Variants in DPYD observed in about 807,000 individuals in gnomAD.
DPYD encodes dihydropyrimidine dehydrogenase [NADP(+)].
DPYD carries 109 observed loss-of-function variants against 116.2 expected under a neutral mutation model. The ratio of observed to expected loss-of-function variants is 0.94; its 90% CI spans 0.80 to 1.10. DPYD has a LOEUF of 1.10. DPYD is among the 50% of genes least tolerant of loss of function. DPYD has a pLI of 0.00. For missense variants in DPYD, 1,302 were observed against 1,254.5 expected (o/e 1.04, Z -0.57); for synonymous variants, 440 against 432.0 (o/e 1.02, Z -0.23).
chr1:97,395,655 G>A (rs572776756), intron 14 of DPYD, among the ~76,000 whole-genome samples: 3 of 152,060 alleles, frequency 2.0e-5, no homozygotes, highest in South Asian at 2.1e-4. Context: ...ATGCCACTTC[G>A]GAAGGACTCC....
rs1658507674 is a variant in DPYD, at chr1:97,193,215, C to T, written c.2476G>A (p.Val826Met). 7 of 1,613,836 alleles carry T rather than the reference C, an allele frequency of 4.3e-6. No homozygotes were observed. In the East Asian group the frequency reaches 1.6e-4, roughly 36 times the overall value. ...AGGCCAGTGCAGTAGTCTTCGATCA[C>T]AGTGAAATCCTGATTCTGAATGGCA... ...CSAIQNQDFT[V>M]IEDYCTGLKA... The change falls in exon 20 of 23, where the codon GTG (valine) becomes ATG (methionine). Residue 826 changes from valine (V) to methionine (M), a missense_variant. Transcript: ENST00000370192.
At chr1:97,382,225 C>A (rs1427560692) in intron 15 of DPYD, among the ~76,000 whole-genome samples, 168 bp downstream of exon 15, 1 of 152,106 alleles carries the variant, frequency 6.6e-6, no homozygotes, top group Non-Finnish European at 1.5e-5. Context: ...ACATTTCCAT[C>A]ATTTTAATGA....
Position 97,303,405 on chromosome 1 carries a change from T to C in DPYD, c.2299+1854A>G, listed in dbSNP as rs1010089709. On this transcript the variant is annotated intron_variant, in intron 18 of 22. Coordinates refer to ENST00000370192, the MANE Select transcript of DPYD (RefSeq NM_000110.4). ...AAATATCTAGCTTATTTTGTGTAACTTTCAGTATTAAGGCAGCATTTGAAG... is the reference window on the plus strand; with the variant it reads ...AAATATCTAGCTTATTTTGTGTAACCTTCAGTATTAAGGCAGCATTTGAAG... 2.0e-5 allele frequency among the ~76,000 whole-genome samples: 3 copies of C among 152,108 alleles called. No individual in the cohort carries two copies. The Middle Eastern group carries it at 0.01, about 517-fold the overall frequency.
At chr1:97,691,080 C>A (rs1211377185) in intron 7 of DPYD, 3 of 151,890 alleles carry the variant, frequency 2.0e-5, no homozygotes, top group Non-Finnish European at 4.4e-5. Context: ...ACAAAAATAG[C>A]AATATGTTCA....
intron 3 of DPYD, among the ~76,000 whole-genome samples, chr1:97,770,481 A>C (rs903479468): frequency 6.6e-6 from 1 of 152,156 alleles, no homozygotes; most frequent in South Asian, 2.1e-4. Context: ...GGAAAAAAAA[A>C]TTTTGAATAG....
chr1:97,427,817 A>G (rs1674957748), intron 14 of DPYD, among the ~76,000 whole-genome samples: 1 of 152,048 alleles, frequency 6.6e-6, no homozygotes, highest in African/African-American at 2.4e-5. Flanking sequence ...AGAATATAAA[A>G]ATTCTCAGTA....
At chr1:97,087,494 A>C (rs1649599791) in intron 21 of DPYD, among the ~76,000 whole-genome samples, 1 of 152,196 alleles carries the variant, frequency 6.6e-6, no homozygotes, top group South Asian at 2.1e-4. Flanking sequence ...GAAGCAAGTA[A>C]ATCAAGAGAT....
intron 13 of DPYD, among the ~76,000 whole-genome samples, chr1:97,458,061 T>C (rs1026300326): frequency 1.1e-4 from 17 of 152,194 alleles, no homozygotes; most frequent in African/African-American, 3.9e-4. Context: ...GCTGGCCTGC[T>C]TATAAGATGA....
intron 18 of DPYD, among the ~76,000 whole-genome samples, chr1:97,291,004 A>G (rs888929992): frequency 2.6e-5 from 4 of 152,048 alleles, no homozygotes; most frequent in African/African-American, 9.7e-5. Context: ...AAACCAAACA[A>G]CCCCATCAAA....
chr1:97,159,591 C>G (rs1655735733), intron 20 of DPYD, among the ~76,000 whole-genome samples: 1 of 151,810 alleles, frequency 6.6e-6, no homozygotes, highest in African/African-American at 2.4e-5. Context: ...GTTTAAGAAA[C>G]CCACAGAAGC....
At chr1:97,159,546 G>T (rs1034850256) in intron 20 of DPYD, among the ~76,000 whole-genome samples, 2 of 151,780 alleles carry the variant, frequency 1.3e-5, no homozygotes, top group African/African-American at 2.4e-5. Context: ...CCTAAACTTG[G>T]TAAAAAAATA....
rs541338894 is a variant in DPYD at position 97,793,571 on chromosome 1, T to C, written c.233+34543A>G. Among the ~76,000 whole-genome samples, 5 of 152,200 alleles carry C rather than the reference T, an allele frequency of 3.3e-5. No homozygotes were observed. The South Asian group carries it at 1.0e-3, about 32-fold the overall frequency. On this transcript the variant is annotated intron_variant, in intron 3 of 22. Transcript: ENST00000370192. ...CAAATATACTGACAACTGGTTTTCA[T>C]AAAAGTGCAAAGTCAATTCCGTGGA...
Position 97,871,385 on chromosome 1 carries a change from G to A in DPYD, c.150+11879C>T, listed in dbSNP as rs566282660. The stretch of plus-strand genomic sequence containing the variant: ...CAAGAGAAATTTCCTTGTCAGACAC[G>A]GAGAATAAATATTTCACTCTTGGGC... On this transcript the variant is annotated intron_variant, in intron 2 of 22. Transcript: ENST00000370192. 1.9e-4 allele frequency among the ~76,000 whole-genome samples: 29 copies of A among 151,756 alleles called. No homozygotes were observed. In the South Asian group the frequency reaches 5.2e-3, roughly 27 times the overall value.
chr1:97,133,873 C>T (rs747000354), intron 20 of DPYD, among the ~76,000 whole-genome samples: 19 of 150,298 alleles, frequency 1.3e-4, no homozygotes, highest in Non-Finnish European at 2.4e-4. Flanking sequence ...ACGGCATGCG[C>T]CTGTAGTCCC....
intron 1 of DPYD, among the ~76,000 whole-genome samples, chr1:97,890,123 A>G (rs1672706426): frequency 6.6e-6 from 1 of 152,016 alleles, no homozygotes; most frequent in African/African-American, 2.4e-5. Flanking sequence ...TTAGGGAGAA[A>G]TGAGATGGCT....
At chr1:97,524,604 A>G (rs1396971906) in intron 12 of DPYD, among the ~76,000 whole-genome samples, 1 of 152,140 alleles carries the variant, frequency 6.6e-6, no homozygotes, top group East Asian at 1.9e-4. Flanking sequence ...ACCCAAGAAT[A>G]TTTCTGGATG....
intron 2 of DPYD, among the ~76,000 whole-genome samples, chr1:97,881,658 G>A (rs576286206): frequency 6.6e-6 from 1 of 151,998 alleles, no homozygotes; most frequent in African/African-American, 2.4e-5. Context: ...AACAACAACA[G>A]CAATCAAAAT....
At chr1:97,360,870 C>T (rs1275966376) in intron 16 of DPYD, among the ~76,000 whole-genome samples, 11 of 152,074 alleles carry the variant, frequency 7.2e-5, no homozygotes, top group African/African-American at 2.4e-4. Flanking sequence ...CCAAAACTGA[C>T]ACCCTAATAT....
chr1:97,295,751 C>T, intron 18 of DPYD: 17 of 983,862 alleles, frequency 1.7e-5, no homozygotes, highest in Non-Finnish European at 2.1e-5. Context: ...CTTAAAATTG[C>T]CAGTGCTACT....
Sources: allele counts gnomAD v4.1 joint callset (sites outside exome capture counted in the v4.1 genomes callset), GRCh38; gene constraint gnomAD v4.1.1; transcripts MANE v1.5; gene names NCBI Gene and HGNC (gene_info 2026-07-23, HGNC 2026-07-21).